PCDH15: variants seen among roughly 807,000 people sequenced by gnomAD.
PCDH15 encodes protocadherin related 15, also known as protocadherin-15.
A neutral mutation model predicts 178.5 loss-of-function variants in PCDH15; 129 were observed. The observed-to-expected ratio is 0.72, with a 90% CI of 0.63 to 0.84. The LOEUF is 0.84. PCDH15 is among the 40% of genes least tolerant of loss of function. The pLI is 0.00. For synonymous variants in PCDH15, 800 were observed against 732.0 expected (o/e 1.09, Z -1.50); for missense variants, 2,230 against 2,099.9 (o/e 1.06, Z -1.21).
At chr10:55,182,556 A>G (rs774166542) in intron 1 of PCDH15, among the ~76,000 whole-genome samples, 16 of 152,036 alleles carry the variant, frequency 1.1e-4, no homozygotes, top group Non-Finnish European at 1.6e-4. Flanking sequence ...GCAGATCTAT[A>G]AAGCATATTC....
chr10:54,575,698 G>C (rs1158667906), intron 2 of PCDH15, among the ~76,000 whole-genome samples: 2 of 151,928 alleles, frequency 1.3e-5, no homozygotes, highest in Non-Finnish European at 2.9e-5. Context: ...AAAGAAAAAA[G>C]CAAAGAAAAG....
intron 2 of PCDH15, among the ~76,000 whole-genome samples, chr10:54,568,915 T>A (rs1282489674): frequency 6.6e-6 from 1 of 151,986 alleles, no homozygotes; most frequent in African/African-American, 2.4e-5. Flanking sequence ...TTGTAAAAAA[T>A]TTTTGATTGC....
In PCDH15 at chr10:55,353,483, GAGAAATTTTAC is replaced by G. The variant is rs572666132; in HGVS notation, c.-155-186843_-155-186833del. ...TCCTGGTTCTAGACCAGAAATTTGAGAGAAATTTTACAGAAATTTTACAGAAAAATAAAACT... is the reference window on the plus strand; with the variant it reads ...TCCTGGTTCTAGACCAGAAATTTGAGAGAAATTTTACAGAAAAATAAAACT... On this transcript the variant is annotated intron_variant, in intron 2 of 5. Transcript: ENST00000613346. Among the ~76,000 whole-genome samples the G allele has an allele frequency of 3.4e-4, 51 of 152,206 alleles. 1 individual carries two copies. The highest frequency in any genetic ancestry group is 7.7e-4 in the East Asian group (4 of 5,170).
At chr10:53,895,903 T>C (rs2133556566) in intron 26 of PCDH15, among the ~76,000 whole-genome samples, 1 of 152,238 alleles carries the variant, frequency 6.6e-6, no homozygotes, top group Non-Finnish European at 1.5e-5. Context: ...TGGGAAGCAA[T>C]GTAAGAGGTT....
Position 54,198,656 on chromosome 10 carries a change from T to C in PCDH15, c.1099-2767A>G, listed in dbSNP as rs553150062. On this transcript the variant is annotated intron_variant, in intron 10 of 37. Coordinates refer to ENST00000644397, the MANE Select transcript of PCDH15 (RefSeq NM_001384140.1). ...AGTTGGGACTACAGGCGCCCGCCAC[T>C]ACGCCCGGCTAATTTTTTGTATTTT... 9.1e-3 allele frequency among the ~76,000 whole-genome samples: 1,110 copies of C among 122,352 alleles called. 300 individuals carry two copies. Among genetic ancestry groups the C allele is most frequent in the African/African-American group, 0.04 (925 of 23,138 alleles). 80.3% of individuals were successfully genotyped at this position (122,352 alleles called of 152,430 possible). A position where few individuals can be genotyped will look rare whatever the true frequency, so the allele number is the denominator to read the frequency against.
chr10:54,154,347 A>G (rs2044865684), intron 13 of PCDH15, among the ~76,000 whole-genome samples: 1 of 152,092 alleles, frequency 6.6e-6, no homozygotes, highest in Non-Finnish European at 1.5e-5. Context: ...TCTGTGGAAT[A>G]AAGAAAACAC....
chr10:55,223,199 T>A (rs1206510660), intron 1 of PCDH15, among the ~76,000 whole-genome samples: 1 of 152,132 alleles, frequency 6.6e-6, no homozygotes, highest in Non-Finnish European at 1.5e-5. Context: ...AACTGGCTAA[T>A]AGCTACTACA....
At chr10:55,281,608 T>C (rs1178029514) in intron 1 of PCDH15, among the ~76,000 whole-genome samples, 3 of 152,158 alleles carry the variant, frequency 2.0e-5, no homozygotes, top group Non-Finnish European at 4.4e-5. Context: ...ATTGTATTCA[T>C]CCCAGTGCTT....
chr10:54,806,694 C>T (rs1952783502), intron 3 of PCDH15, among the ~76,000 whole-genome samples: 1 of 151,950 alleles, frequency 6.6e-6, no homozygotes, highest in South Asian at 2.1e-4. Flanking sequence ...CCATGTTGGC[C>T]AGGAAGGTCT....
At position 54,089,996 on chromosome 10, in the gene PCDH15, T is replaced by C. The variant is rs373731707; in HGVS notation, c.1985A>G (p.Asn662Ser). Reference sequence around the variant, plus strand: ...ATTTTTAACTTACGTTTCTGAAAGATTAAAAACTCTCTGAGGATCTCCATT... The same window carrying C: ...ATTTTTAACTTACGTTTCTGAAAGACTAAAAACTCTCTGAGGATCTCCATT... Reference protein sequence around the residue: ...IENGDPQRVFNLSETTGILTL... With the variant: ...IENGDPQRVFSLSETTGILTL... The change falls in exon 16 of 38, where the codon AAT becomes AGT. Residue 662 changes from asparagine (N) to serine (S), a missense_variant. Coordinates refer to ENST00000644397, the MANE Select transcript of PCDH15 (RefSeq NM_001384140.1). 8.7e-6 allele frequency: 14 copies of C among 1,610,394 alleles called. No homozygotes were observed. The Admixed American group carries it at 1.5e-4, about 17-fold the overall frequency.
At chr10:54,637,779 G>A (rs2093894981) in intron 2 of PCDH15, among the ~76,000 whole-genome samples, 1 of 151,970 alleles carries the variant, frequency 6.6e-6, no homozygotes, top group African/African-American at 2.4e-5. Context: ...TTTATCCCAA[G>A]GGGCATAAAA....
At chr10:55,284,288 G>T (rs1842810405) in intron 1 of PCDH15, among the ~76,000 whole-genome samples, 1 of 152,098 alleles carries the variant, frequency 6.6e-6, no homozygotes, top group Non-Finnish European at 1.5e-5. Flanking sequence ...AGGATGGACA[G>T]CCGACTGATA....
intron 3 of PCDH15, among the ~76,000 whole-genome samples, chr10:54,841,408 C>G (rs1769340169): frequency 6.6e-6 from 1 of 151,710 alleles, no homozygotes; most frequent in South Asian, 2.1e-4. Context: ...ACAGCAAAAG[C>G]TGTCCTAAGA....
intron 2 of PCDH15, among the ~76,000 whole-genome samples, chr10:55,580,943 A>C (rs1842602083): frequency 6.6e-6 from 1 of 152,198 alleles, no homozygotes; most frequent in Non-Finnish European, 1.5e-5. Flanking sequence ...AAGAGGAAAT[A>C]GTTCTCCCCC....
At chr10:55,056,529 ATT>A (rs58799241) in intron 2 of PCDH15, among the ~76,000 whole-genome samples, 125,663 of 150,902 alleles carry the variant, frequency 0.83, 52,878 homozygotes, top group African/African-American at 0.96. Context: ...CTAAGTTTCC[ATT>A]TTCTCTCTCT....
At chr10:55,264,259 G>T (rs1480646782) in intron 1 of PCDH15, among the ~76,000 whole-genome samples, 3 of 152,090 alleles carry the variant, frequency 2.0e-5, no homozygotes, top group Non-Finnish European at 4.4e-5. Flanking sequence ...CCAGGTCTGA[G>T]GCATCCAAAG....
intron 3 of PCDH15, among the ~76,000 whole-genome samples, chr10:54,858,263 A>G (rs1189463654): frequency 6.6e-6 from 1 of 152,160 alleles, no homozygotes; most frequent in African/African-American, 2.4e-5. Context: ...AAGGCTACAT[A>G]ATATTCCGTT....
intron 2 of PCDH15, among the ~76,000 whole-genome samples, chr10:55,407,409 G>A (rs935600926): frequency 2.6e-5 from 4 of 152,110 alleles, no homozygotes; most frequent in Admixed American, 1.3e-4. Flanking sequence ...TAGAGAGATG[G>A]AGAAGTATTA....
chr10:54,712,750 T>C (rs564988789), intron 1 of PCDH15, among the ~76,000 whole-genome samples: 2 of 151,986 alleles, frequency 1.3e-5, no homozygotes, highest in Non-Finnish European at 2.9e-5. Flanking sequence ...GCTAACCAAC[T>C]GGGTTGAAGA....
Sources: allele counts gnomAD v4.1 joint callset (sites outside exome capture counted in the v4.1 genomes callset), GRCh38; gene constraint gnomAD v4.1.1; transcripts MANE v1.5; gene names NCBI Gene and HGNC (gene_info 2026-07-23, HGNC 2026-07-21).